The following SERPIND1 variants were observed in gnomAD, a reference collection of about 807,000 sequenced individuals.
The protein encoded by SERPIND1 is serpin family D member 1, also known as heparin cofactor 2.
In SERPIND1, 34 loss-of-function variants were observed where a neutral mutation model predicts 35.0. The observed-to-expected ratio is 0.97, with a 90% CI of 0.74 to 1.29. SERPIND1 has a LOEUF of 1.29. SERPIND1 is among the 50% of genes most tolerant of loss of function. The pLI is 0.00. For missense variants in SERPIND1, 633 were observed against 637.7 expected (o/e 0.99, Z 0.08); for synonymous variants, 236 against 241.1 (o/e 0.98, Z 0.19).
chr22:20,786,965 G>C lies in SERPIND1; in HGVS notation c.1399G>C (p.Val467Leu), dbSNP rs1307094838. 5.0e-6 allele frequency: 8 copies of C among 1,614,062 alleles called. No individual in the cohort carries two copies. Among genetic ancestry groups the C allele is most frequent in the Admixed American group, 3.3e-5 (2 of 60,000 alleles). ...GGGGTTCATGCCGCTGTCCACCCAAGTCCGCTTCACTGTCGACCGCCCCTT... is the reference window on the plus strand; with the variant it reads ...GGGGTTCATGCCGCTGTCCACCCAACTCCGCTTCACTGTCGACCGCCCCTT... ...TVGFMPLSTQ[V>L]RFTVDRPFLF... is the part of the protein sequence containing the mutation. Residue 467 changes from valine to leucine, a missense_variant, in exon 5 of 5, where the codon GTC becomes CTC. Val to Leu is a conservative substitution (Grantham distance 32). Transcript: ENST00000215727.
chr22:20,779,435 G>A lies in SERPIND1; in HGVS notation c.123G>A (p.Gln41=). The change falls in exon 2 of 5, where the codon CAG becomes CAA. Residue 41 remains glutamine, a synonymous_variant. Transcript: ENST00000215727. ...GGETAQSADP[Q]WEQLNNKNLS... The stretch of plus-strand genomic sequence containing the variant: ...AAACTGCTCAGTCTGCAGATCCCCA[G>A]TGGGAGCAGTTAAATAACAAAAACC... The A allele has an allele frequency of 6.2e-7, 1 of 1,614,232 alleles. No individual in the cohort carries two copies. The highest frequency in any genetic ancestry group is 1.7e-5 in the Admixed American group (1 of 60,020).
rs1601498880 is a variant in SERPIND1 at position 20,787,351 on chromosome 22, A to G, written c.*285A>G. ...CCCACTCTTCACAGCAAACCTGAGCAGCGCGTCCTAAGCACCTCCCGCTCC... is the reference window on the plus strand; with the variant it reads ...CCCACTCTTCACAGCAAACCTGAGCGGCGCGTCCTAAGCACCTCCCGCTCC... On this transcript the variant is annotated 3_prime_UTR_variant, in exon 5 of 5. Transcript: ENST00000215727. 45 of 456,596 alleles carry G rather than the reference A, an allele frequency of 9.9e-5. No homozygotes were observed. The highest frequency in any genetic ancestry group is 9.2e-4 in the South Asian group (44 of 47,914). 28.3% of individuals were successfully genotyped at this position (456,596 alleles called of 1,614,324 possible).
Position 20,779,813 on chromosome 22 carries a change from A to G in SERPIND1, c.501A>G (p.Leu167=). The change falls in exon 2 of 5, where the codon TTA becomes TTG. Residue 167 remains leucine, a synonymous_variant. Transcript: ENST00000215727. Reference sequence around the variant, plus strand: ...CTACTGCGATGGGTATGATTTCCTTAGGTCTGAAGGGAGAGACCCATGAAC... The same window carrying G: ...CTACTGCGATGGGTATGATTTCCTTGGGTCTGAAGGGAGAGACCCATGAAC... ...GISTAMGMIS[L]GLKGETHEQV... 1 of 1,614,208 alleles carries G rather than the reference A, an allele frequency of 6.2e-7. No homozygotes were observed. Among genetic ancestry groups the G allele is most frequent in the Non-Finnish European group, 8.5e-7 (1 of 1,180,028 alleles).
At chr22:20,782,520 A>G (rs1933877507) in intron 2 of SERPIND1, among the ~76,000 whole-genome samples, 1 of 152,170 alleles carries the variant, frequency 6.6e-6, no homozygotes, top group Non-Finnish European at 1.5e-5. Flanking sequence ...TTTTGTTCTA[A>G]TTTTAATGTG....
Position 20,786,949 on chromosome 22 carries a change from G to C in SERPIND1, c.1383G>C (p.Met461Ile), listed in dbSNP as rs200888884. The change falls in exon 5 of 5, where the codon ATG becomes ATC. Residue 461 changes from methionine (M) to isoleucine (I), a missense_variant. Coordinates refer to ENST00000215727, the MANE Select transcript of SERPIND1 (RefSeq NM_000185.4). ...CCACTGTGACCACGGTGGGGTTCATGCCGCTGTCCACCCAAGTCCGCTTCA... is the reference window on the plus strand; with the variant it reads ...CCACTGTGACCACGGTGGGGTTCATCCCGCTGTCCACCCAAGTCCGCTTCA... ...QATTVTTVGFMPLSTQVRFTV... is the reference protein window; with the variant it reads ...QATTVTTVGFIPLSTQVRFTV... 6.2e-7 allele frequency: 1 copy of C among 1,614,152 alleles called. No homozygotes were observed. Among genetic ancestry groups the C allele is most frequent in the Non-Finnish European group, 8.5e-7 (1 of 1,180,034 alleles).
chr22:20,785,787 A>G (rs575876461), intron 3 of SERPIND1, among the ~76,000 whole-genome samples: 1 of 152,352 alleles, frequency 6.6e-6, no homozygotes, highest in East Asian at 1.9e-4. Context: ...CAAGGAAATA[A>G]TCATGCAACA....
Position 20,785,986 on chromosome 22 carries a change from C to G in SERPIND1, c.1164-18C>G, listed in dbSNP as rs1370343545. 6.2e-7 allele frequency: 1 copy of G among 1,614,136 alleles called. No individual in the cohort carries two copies. Among genetic ancestry groups the G allele is most frequent in the South Asian group, 1.1e-5 (1 of 91,076 alleles). ...TGTGGTTCAATAAAACTGGGCCCCC[C>G]TTTCCTTTTCTGTCTAGAACTCGAG... On this transcript the variant is annotated intron_variant, in intron 3 of 4. Transcript: ENST00000215727.
Sources: gnomAD v4.1 joint callset for allele counts (sites outside exome capture counted in the v4.1 genomes callset) on GRCh38, gnomAD v4.1.1 for gene constraint, MANE v1.5 for transcripts, NCBI Gene and HGNC (gene_info 2026-07-23, HGNC 2026-07-21) for gene names.